Variants in TIMM23B observed in about 807,000 individuals in gnomAD.
The protein encoded by TIMM23B is translocase of inner mitochondrial membrane 23 homolog B, also known as mitochondrial import inner membrane translocase subunit Tim23B.
TIMM23B carries 27 observed loss-of-function variants against 27.3 expected under a neutral mutation model. That is an observed-to-expected ratio of 0.99 (90% CI 0.73 to 1.36). The LOEUF is 1.36. Among genes scored for constraint, TIMM23B ranks in the 40% most tolerant of loss-of-function variants. The pLI, the probability that TIMM23B is intolerant of heterozygous loss-of-function variation, is 0.00. For missense variants in TIMM23B, 205 were observed against 244.2 expected (o/e 0.84, Z 1.07); for synonymous variants, 73 against 92.4 (o/e 0.79, Z 1.21).
chr10:49,952,975 G>A (rs1350620405), intron 4 of TIMM23B, among the ~76,000 whole-genome samples: 3 of 152,180 alleles, frequency 2.0e-5, no homozygotes, highest in Admixed American at 1.3e-4. Context: ...CTTTGTTTCC[G>A]AAGTGATGAG....
chr10:49,959,597 G>A (rs1263319892), intron 6 of TIMM23B, among the ~76,000 whole-genome samples: 3 of 152,000 alleles, frequency 2.0e-5, no homozygotes, highest in African/African-American at 4.8e-5. Flanking sequence ...TTATCTTAAC[G>A]TCTAAAAGAT....
intron 4 of TIMM23B, chr10:49,954,538 C>CT (rs1839648661): frequency 6.2e-6 from 1 of 161,168 alleles, no homozygotes. Context: ...CTTTGATTAT[C>CT]TTTAACATTC....
intron 6 of TIMM23B, among the ~76,000 whole-genome samples, chr10:49,965,632 C>T (rs1472056707): frequency 1.4e-5 from 2 of 146,770 alleles, no homozygotes; most frequent in African/African-American, 2.5e-5. Context: ...CCAGACTGGG[C>T]GATAGAGCGA....
At chr10:49,967,435 A>G (rs545520905) in intron 6 of TIMM23B, among the ~76,000 whole-genome samples, 95 of 151,982 alleles carry the variant, frequency 6.3e-4, no homozygotes, top group African/African-American at 2.0e-3. Flanking sequence ...TCTTGGGTCT[A>G]TTTTTTAACC....
In TIMM23B at chr10:49,970,855, C is replaced by G. The variant is rs561649616; in HGVS notation, c.515-2157C>G. Among the ~76,000 whole-genome samples the G allele has an allele frequency of 1.0e-3, 156 of 152,322 alleles. 4 individuals are homozygous for G. In the South Asian group the frequency reaches 0.03, roughly 29 times the overall value. ...ACCCAACAGCTCATTGAGAATGGGC[C>G]ATGATGACGATGGCGGTTTTGTTGA... is the stretch of plus-strand genomic sequence containing the variant. On this transcript the variant is annotated intron_variant, in intron 6 of 6. Coordinates refer to ENST00000651259, the MANE Select transcript of TIMM23B (RefSeq NM_001290117.2).
At chr10:49,952,647 T>G in intron 4 of TIMM23B, 114 bp downstream of exon 4, 6 of 1,252,634 alleles carry the variant, frequency 4.8e-6, no homozygotes, top group Non-Finnish European at 6.6e-6. Flanking sequence ...ATGTGCTTTT[T>G]TGTCTTTGTT....
chr10:49,962,229 A>T, intron 6 of TIMM23B, among the ~76,000 whole-genome samples: 1 of 141,936 alleles, frequency 7.0e-6, no homozygotes, highest in Non-Finnish European at 1.5e-5. Context: ...TTTTAAACGG[A>T]GTTTTGCTCT....
Position 49,973,220 on chromosome 10 carries a change from A to C in TIMM23B, c.*156A>C, listed in dbSNP as rs1840528069. On this transcript the variant is annotated 3_prime_UTR_variant, in exon 7 of 7. Coordinates refer to ENST00000651259, the MANE Select transcript of TIMM23B (RefSeq NM_001290117.2). ...AAGTAGTAGTCTCTGTCAGAGCTAC[A>C]TTTTAAAGGAGAAAAAGAAACGTGA... 1.9e-6 allele frequency: 1 copy of C among 534,504 alleles called. No homozygotes were observed. Among genetic ancestry groups the C allele is most frequent in the East Asian group, 2.9e-5 (1 of 34,456 alleles). The allele number at this position is 534,504 out of a possible 1,614,324, so 33.1% of individuals were successfully genotyped here.
chr10:49,943,975 T>C (rs1417044683), intron 1 of TIMM23B, among the ~76,000 whole-genome samples: 1 of 152,130 alleles, frequency 6.6e-6, no homozygotes, highest in Non-Finnish European at 1.5e-5. Flanking sequence ...GTACAAATGC[T>C]TGGGAGGCAA....
At chr10:49,962,408 G>T (rs1240127155) in intron 6 of TIMM23B, among the ~76,000 whole-genome samples, 2 of 151,992 alleles carry the variant, frequency 1.3e-5, no homozygotes, top group African/African-American at 4.8e-5. Flanking sequence ...TCACCATGTT[G>T]GCCAGGATGT....
intron 6 of TIMM23B, among the ~76,000 whole-genome samples, chr10:49,965,113 G>A (rs1201799956): frequency 4.6e-5 from 7 of 152,048 alleles, no homozygotes; most frequent in African/African-American, 1.4e-4. Flanking sequence ...CCAGCTACTC[G>A]GGAGGCTGAG....
At chr10:49,954,946 A>G in intron 4 of TIMM23B, 56 bp from the exon 5 acceptor site, 9 of 1,608,680 alleles carry the variant, frequency 5.6e-6, no homozygotes, top group Admixed American at 1.7e-5. Flanking sequence ...GTTTTTAAAG[A>G]TTACTAGAGA....
chr10:49,952,426 G>C, intron 3 of TIMM23B, 23 bp from the exon 4 acceptor site: 1 of 1,611,860 alleles, frequency 6.2e-7, no homozygotes, highest in Non-Finnish European at 8.5e-7. Context: ...GTCTTATCTG[G>C]GTGAATTTTT....
intron 5 of TIMM23B, among the ~76,000 whole-genome samples, chr10:49,955,295 G>T (rs1839678736): frequency 6.6e-6 from 1 of 152,002 alleles, no homozygotes; most frequent in Non-Finnish European, 1.5e-5. Context: ...AAAATATTTT[G>T]GACACTGCAC....
intron 6 of TIMM23B, among the ~76,000 whole-genome samples, chr10:49,967,745 G>A (rs1554855664): frequency 6.6e-6 from 1 of 151,752 alleles, no homozygotes; most frequent in Non-Finnish European, 1.5e-5. Context: ...CATTTCTTTT[G>A]ACAATATCAA....
Position 49,942,170 on chromosome 10 carries a change from G to A in TIMM23B, c.-25G>A. ...CCACCCAGGCTTGAGGCAGCGGCGG[G>A]AACCACTCGGTTTGCTGCGATACCA... On this transcript the variant is annotated 5_prime_UTR_variant, in exon 1 of 7. Coordinates refer to ENST00000651259, the MANE Select transcript of TIMM23B (RefSeq NM_001290117.2). The A allele has an allele frequency of 1.3e-6, 2 of 1,568,918 alleles. No homozygotes were observed. The highest frequency in any genetic ancestry group is 1.7e-4 in the Middle Eastern group (1 of 5,896).
intron 6 of TIMM23B, among the ~76,000 whole-genome samples, chr10:49,969,408 G>A (rs1840314108): frequency 7.2e-6 from 1 of 139,122 alleles, no homozygotes. Context: ...CTGCACTCTA[G>A]CCTGGGCGAC....
chr10:49,959,095 C>T (rs1224548602), intron 6 of TIMM23B, among the ~76,000 whole-genome samples: 1 of 152,150 alleles, frequency 6.6e-6, no homozygotes, highest in African/African-American at 2.4e-5. Flanking sequence ...CTTCAAGGTC[C>T]TTCTTTCTTT....
intron 2 of TIMM23B, among the ~76,000 whole-genome samples, chr10:49,946,731 G>A (rs1286159999): frequency 4.0e-5 from 6 of 149,470 alleles, no homozygotes; most frequent in Non-Finnish European, 8.9e-5. Context: ...AAATGGCAGT[G>A]CTCACCAAAT....
Sources: allele counts gnomAD v4.1 joint callset (sites outside exome capture counted in the v4.1 genomes callset), GRCh38; gene constraint gnomAD v4.1.1; transcripts MANE v1.5; gene names NCBI Gene and HGNC (gene_info 2026-07-23, HGNC 2026-07-21).